Variants in RANBP2 observed in about 807,000 individuals in gnomAD.
RANBP2 encodes the protein RAN binding protein 2.
RANBP2 carries 57 observed loss-of-function variants against 303.6 expected under a neutral mutation model. The ratio of observed to expected loss-of-function variants is 0.19; its 90% CI spans 0.15 to 0.23. RANBP2 has a LOEUF of 0.23. RANBP2 is among the 10% of genes least tolerant of loss of function. The pLI is 1.00. For missense variants in RANBP2, 3,138 were observed against 3,780.8 expected, an observed-to-expected ratio of 0.83 and a Z score of 4.46; for synonymous variants, 1,167 against 1,301.5, an observed-to-expected ratio of 0.90 and a Z score of 2.23.
the RANBP2 span, among the ~76,000 whole-genome samples, chr2:109,687,249 T>A: frequency 6.6e-6 from 1 of 152,198 alleles, no homozygotes; most frequent in Non-Finnish European, 1.5e-5. Flanking sequence ...TTTATTTGTA[T>A]CAACAAAGAC....
At chr2:108,938,991 G>A in the RANBP2 span, among the ~76,000 whole-genome samples, 1 of 151,976 alleles carries the variant, frequency 6.6e-6, no homozygotes, top group Non-Finnish European at 1.5e-5. Context: ...TGTTGGTCAG[G>A]CTGGTCTCGA....
chr2:109,674,455 G>A, the RANBP2 span, among the ~76,000 whole-genome samples: 2 of 144,680 alleles, frequency 1.4e-5, no homozygotes, highest in South Asian at 4.5e-4. Flanking sequence ...ATGATGGCAT[G>A]TACCTGTAGT....
chr2:109,045,644 G>A, the RANBP2 span, among the ~76,000 whole-genome samples: 8 of 152,278 alleles, frequency 5.3e-5, no homozygotes, highest in South Asian at 1.5e-3. Context: ...TGCCCTTCCC[G>A]AACATAAGGG....
chr2:108,862,275 A>C, the RANBP2 span, among the ~76,000 whole-genome samples: 3 of 152,040 alleles, frequency 2.0e-5, no homozygotes, highest in East Asian at 5.8e-4. Context: ...ATCTTACCTT[A>C]CTATATGGGC....
the RANBP2 span, among the ~76,000 whole-genome samples, chr2:109,321,555 C>T: frequency 6.6e-6 from 1 of 152,200 alleles, no homozygotes; most frequent in East Asian, 1.9e-4. Context: ...CAAACATTCT[C>T]CAATAACTGG....
At chr2:109,651,802 C>T in the RANBP2 span, among the ~76,000 whole-genome samples, 1 of 152,168 alleles carries the variant, frequency 6.6e-6, no homozygotes, top group Non-Finnish European at 1.5e-5. Flanking sequence ...TTCCCAACGG[C>T]ATCCACCGCA....
At chr2:108,923,277 G>A in the RANBP2 span, 10 of 1,253,768 alleles carry the variant, frequency 8.0e-6, no homozygotes, top group African/African-American at 1.5e-4. Flanking sequence ...CCTTGTCCAG[G>A]TGCCAGGACC....
At chr2:109,097,818 G>T in the RANBP2 span, among the ~76,000 whole-genome samples, 2 of 151,868 alleles carry the variant, frequency 1.3e-5, no homozygotes, top group Admixed American at 6.6e-5. Context: ...GCTTCAAGGT[G>T]GTCGGGGACA....
chr2:109,585,348 T>C, the RANBP2 span: 1 of 1,540,954 alleles, frequency 6.5e-7, no homozygotes, highest in Non-Finnish European at 8.8e-7. Context: ...TACATCTTTA[T>C]GGTTGCATGA....
the RANBP2 span, among the ~76,000 whole-genome samples, chr2:109,495,209 G>A: frequency 4.6e-5 from 7 of 152,178 alleles, no homozygotes; most frequent in South Asian, 2.1e-4. Context: ...CTCAGAATAC[G>A]GGTGTGGTCA....
Position 108,765,587 on chromosome 2 carries a change from C to T in RANBP2, c.5048C>T (p.Thr1683Ile). The T allele has an allele frequency of 6.8e-7, 1 of 1,465,476 alleles. No individual in the cohort carries two copies. The highest frequency in any genetic ancestry group is 9.2e-7 in the Non-Finnish European group (1 of 1,087,790). 90.8% of individuals were successfully genotyped at this position (1,465,476 alleles called of 1,614,324 possible). The change falls in exon 20 of 29, where the codon ACC becomes ATC. Residue 1683 changes from threonine (T) to isoleucine (I), a missense_variant. By Grantham distance (89) the Thr-to-Ile change is moderately conservative. Transcript: ENST00000283195. ...TTAGTAAGAAATGAAGCCAGTGCTA[C>T]CAAATGTATTGCTTGTCAGAATCCA... is the stretch of plus-strand genomic sequence containing the variant. ...VCLVRNEASA[T>I]KCIACQNPGK...
At chr2:108,832,032 T>A in the RANBP2 span, among the ~76,000 whole-genome samples, 1 of 150,474 alleles carries the variant, frequency 6.6e-6, no homozygotes, top group Non-Finnish European at 1.5e-5. Context: ...CACGCACAGC[T>A]TTTTTTCTCT....
chr2:108,781,305 T>C lies in RANBP2; in HGVS notation c.8636T>C (p.Val2879Ala). 1 of 1,614,170 alleles carries C rather than the reference T, an allele frequency of 6.2e-7. No homozygotes were observed. Among genetic ancestry groups the C allele is most frequent in the Non-Finnish European group, 8.5e-7 (1 of 1,180,020 alleles). The part of the protein sequence containing the change: ...NFQWANTGAA[V>A]FGTQSVGTQS... ...CAATGGGCAAATACTGGAGCAGCTG[T>C]GTTTGGAACACAGTCAGTCGGAACC... is the stretch of plus-strand genomic sequence containing the variant. The change falls in exon 26 of 29, where the codon GTG becomes GCG. Residue 2879 changes from valine (V) to alanine (A), a missense_variant. Transcript: ENST00000283195.
At chr2:109,131,519 T>A in the RANBP2 span, among the ~76,000 whole-genome samples, 8 of 152,344 alleles carry the variant, frequency 5.3e-5, no homozygotes, top group African/African-American at 1.9e-4. Flanking sequence ...GAGCCCCGCT[T>A]CTAGTAAAAC....
chr2:109,156,118 C>G, the RANBP2 span, among the ~76,000 whole-genome samples: 4 of 152,212 alleles, frequency 2.6e-5, no homozygotes, highest in African/African-American at 9.7e-5. Flanking sequence ...TGCTTGCTAG[C>G]CATCCTCCCA....
the RANBP2 span, among the ~76,000 whole-genome samples, chr2:108,986,095 T>G: frequency 1.3e-5 from 2 of 152,126 alleles, no homozygotes; most frequent in Admixed American, 1.3e-4. Flanking sequence ...AAATTAAATA[T>G]GGTCAAGCTC....
chr2:109,687,258 A>G, the RANBP2 span, among the ~76,000 whole-genome samples: 1 of 152,152 alleles, frequency 6.6e-6, no homozygotes, highest in Non-Finnish European at 1.5e-5. Context: ...ATCAACAAAG[A>G]CTTTTATTTG....
At chr2:109,033,924 T>G in the RANBP2 span, among the ~76,000 whole-genome samples, 1 of 143,468 alleles carries the variant, frequency 7.0e-6, no homozygotes, top group Non-Finnish European at 1.5e-5. Flanking sequence ...CCACTGCACT[T>G]CAGCCTGGCG....
At chr2:109,265,108 G>A in the RANBP2 span, among the ~76,000 whole-genome samples, 1 of 152,170 alleles carries the variant, frequency 6.6e-6, no homozygotes, top group Non-Finnish European at 1.5e-5. Flanking sequence ...CCCACTTGAG[G>A]CGTTGCGAAA....
Sources: allele counts gnomAD v4.1 joint callset (sites outside exome capture counted in the v4.1 genomes callset), GRCh38; gene constraint gnomAD v4.1.1; transcripts MANE v1.5; gene names NCBI Gene and HGNC (gene_info 2026-07-23, HGNC 2026-07-21).